The following TNR variants were observed in gnomAD, a reference collection of about 807,000 sequenced individuals.
TNR encodes the protein tenascin-R.
Under a neutral mutation model 150.4 loss-of-function variants are expected in TNR, and 45 were observed. The observed-to-expected ratio is 0.30, with a 90% CI of 0.24 to 0.38. TNR has a LOEUF of 0.38. TNR is among the 10% of genes least tolerant of loss of function. TNR has a pLI of 1.00. For missense variants in TNR, 1,544 were observed against 1,759.1 expected, an observed-to-expected ratio of 0.88 and a Z score of 2.19; for synonymous variants, 687 against 678.4, an observed-to-expected ratio of 1.01 and a Z score of -0.20.
chr1:175,536,211 C>T (rs905384569), intron 1 of TNR, among the ~76,000 whole-genome samples: 2 of 152,038 alleles, frequency 1.3e-5, no homozygotes, highest in African/African-American at 4.8e-5. Context: ...TACATTTATA[C>T]CATTATTTTG....
Position 175,354,422 on chromosome 1 carries a change from C to T in TNR, c.3351G>A (p.Trp1117Ter). Residue 1117 changes from tryptophan to a stop codon, truncating the protein, a stop_gained, in exon 18 of 23, where the codon TGG becomes TGA. Coordinates refer to ENST00000367674, the MANE Select transcript of TNR (RefSeq NM_003285.3). LOFTEE classifies it high-confidence loss of function. ...TGAAAGCGGTGGAGGTGATGCTGCT[C>T]CACGTGGTGTCCTGTGCTGCCTGCA... ...VLLQAAQDTT[W>*]SSITSTAFTT... 6.2e-7 allele frequency: 1 copy of T among 1,614,102 alleles called. No homozygotes were observed. Among genetic ancestry groups the T allele is most frequent in the Non-Finnish European group, 8.5e-7 (1 of 1,179,968 alleles).
At position 175,317,217 on chromosome 1, in the gene TNR, T is replaced by C. The variant is rs763689713; in HGVS notation, c.*6140A>G. On this transcript the variant is annotated 3_prime_UTR_variant, in exon 23 of 23. Transcript: ENST00000367674. ...ATGCAATAAATGCTATTTATCTTAG[T>C]GTTCATTTGTGGAGAATCAAATTAA... 1 of 152,258 alleles carries C rather than the reference T, an allele frequency of 6.6e-6. No homozygotes were observed. The highest frequency in any genetic ancestry group is 1.5e-5 in the Non-Finnish European group (1 of 68,038). 9.4% of individuals were successfully genotyped at this position (152,258 alleles called of 1,614,324 possible).
intron 1 of TNR, among the ~76,000 whole-genome samples, chr1:175,692,007 CTTAA>C (rs1475695767): frequency 6.6e-6 from 1 of 152,264 alleles, no homozygotes; most frequent in African/African-American, 2.4e-5. Flanking sequence ...AATTTTCATT[CTTAA>C]TTAAGTTCAA....
chr1:175,706,411 C>T (rs1170362467), intron 1 of TNR, among the ~76,000 whole-genome samples: 2 of 152,068 alleles, frequency 1.3e-5, no homozygotes, highest in African/African-American at 4.8e-5. Context: ...TTGAGAAGGA[C>T]ATTAACAAGC....
intron 1 of TNR, among the ~76,000 whole-genome samples, chr1:175,739,928 A>C (rs1667878159): frequency 6.6e-6 from 1 of 152,234 alleles, no homozygotes; most frequent in Non-Finnish European, 1.5e-5. Flanking sequence ...TAAAAATTTC[A>C]AAATCATCTC....
At position 175,406,252 on chromosome 1, in the gene TNR, A is replaced by T. The variant is rs150331590; in HGVS notation, c.463T>A (p.Cys155Ser). The T allele has an allele frequency of 4.7e-5, 76 of 1,614,000 alleles. No individual in the cohort carries two copies. Among genetic ancestry groups the T allele is most frequent in the Non-Finnish European group, 5.9e-5 (70 of 1,180,006 alleles). ...EREVSVLRDQ[C>S]NANCCQESAA... is the part of the protein sequence containing the mutation. ...CTTTCTTGGCAGCAGTTGGCGTTGCACTGGTCTCGCAGCACCGACACCTCC... is the reference window on the plus strand; with the variant it reads ...CTTTCTTGGCAGCAGTTGGCGTTGCTCTGGTCTCGCAGCACCGACACCTCC... The change falls in exon 3 of 23, where the codon TGC (cysteine) becomes AGC (serine). Residue 155 changes from cysteine (C) to serine (S), a missense_variant. Physicochemically the swap from Cys to Ser is moderately radical, Grantham distance 112. Coordinates refer to ENST00000367674, the MANE Select transcript of TNR (RefSeq NM_003285.3).
intron 18 of TNR, among the ~76,000 whole-genome samples, chr1:175,348,329 C>G (rs1307807832): frequency 6.6e-6 from 1 of 152,102 alleles, no homozygotes; most frequent in Non-Finnish European, 1.5e-5. Context: ...TGTCAGTTCT[C>G]CCCAAATTAA....
chr1:175,433,612 A>C (rs1655369262), intron 2 of TNR, among the ~76,000 whole-genome samples: 1 of 152,208 alleles, frequency 6.6e-6, no homozygotes, highest in Admixed American at 6.5e-5. Flanking sequence ...GACCTTGGGC[A>C]AGGCAACAAT....
chr1:175,729,253 A>C (rs947541915), intron 1 of TNR, among the ~76,000 whole-genome samples: 25 of 152,138 alleles, frequency 1.6e-4, no homozygotes, highest in African/African-American at 6.0e-4. Flanking sequence ...CACGCAAATC[A>C]ATAGGGAAGC....
At chr1:175,648,365 G>A (rs1664864537) in intron 1 of TNR, among the ~76,000 whole-genome samples, 1 of 152,108 alleles carries the variant, frequency 6.6e-6, no homozygotes, top group Non-Finnish European at 1.5e-5. Context: ...ATACCAGCTA[G>A]GTAGAAAGTA....
chr1:175,332,854 A>C (rs529543492), intron 20 of TNR, among the ~76,000 whole-genome samples: 296 of 152,348 alleles, frequency 1.9e-3, no homozygotes, highest in African/African-American at 6.8e-3. Flanking sequence ...ATGTTAGAAC[A>C]GTGTTACCCA....
chr1:175,486,163 T>C (rs1352272523), intron 2 of TNR, among the ~76,000 whole-genome samples: 2 of 151,932 alleles, frequency 1.3e-5, no homozygotes, highest in African/African-American at 4.8e-5. Flanking sequence ...CTGGGATACA[T>C]GTGCAGAATG....
chr1:175,494,589 C>T (rs546370699), intron 2 of TNR, among the ~76,000 whole-genome samples: 13 of 152,216 alleles, frequency 8.5e-5, no homozygotes, highest in Non-Finnish European at 1.6e-4. Context: ...GTAGAACAAG[C>T]AGGTATCTGA....
At chr1:175,659,447 C>T (rs1394001341) in intron 1 of TNR, among the ~76,000 whole-genome samples, 1 of 152,226 alleles carries the variant, frequency 6.6e-6, no homozygotes, top group African/African-American at 2.4e-5. Flanking sequence ...CCAGATGAAG[C>T]AGCCCAGGTG....
intron 21 of TNR, among the ~76,000 whole-genome samples, chr1:175,325,232 T>C (rs1013351102): frequency 6.6e-6 from 1 of 152,068 alleles, no homozygotes; most frequent in African/African-American, 2.4e-5. Flanking sequence ...TAGGTGGAGA[T>C]GAAGACATTT....
At chr1:175,390,227 A>G (rs1319745367) in intron 7 of TNR, among the ~76,000 whole-genome samples, 1 of 152,184 alleles carries the variant, frequency 6.6e-6, no homozygotes, top group African/African-American at 2.4e-5. Context: ...CTAATCTATA[A>G]ATGTGGTCTC....
intron 1 of TNR, among the ~76,000 whole-genome samples, chr1:175,589,859 C>T (rs912654064): frequency 4.0e-5 from 6 of 151,254 alleles, no homozygotes; most frequent in African/African-American, 1.5e-4. Context: ...GGGTTGGGGG[C>T]TAGGGGAGGG....
In TNR at chr1:175,355,559, T is replaced by C. The variant is rs759027372; in HGVS notation, c.3193A>G (p.Arg1065Gly). The change falls in exon 17 of 23, where the codon AGG (arginine) becomes GGG (glycine). Residue 1065 changes from arginine (R) to glycine (G), a missense_variant. Physicochemically the swap from Arg to Gly is moderately radical, Grantham distance 125 (BLOSUM62 -2). Transcript: ENST00000367674. ...QSALISWQPP[R>G]AEIENYVLTY... ...AAGACATAATTTTCAATCTCTGCCCTGGGAGGCTGCCAGGAGATCAGGGCA... is the reference window on the plus strand; with the variant it reads ...AAGACATAATTTTCAATCTCTGCCCCGGGAGGCTGCCAGGAGATCAGGGCA... 6.8e-6 allele frequency: 11 copies of C among 1,614,116 alleles called. No homozygotes were observed. In the Admixed American group the frequency reaches 1.5e-4, roughly 22 times the overall value.
chr1:175,388,067 G>A (rs960062612), intron 7 of TNR, among the ~76,000 whole-genome samples: 1 of 152,158 alleles, frequency 6.6e-6, no homozygotes, highest in African/African-American at 2.4e-5. Flanking sequence ...GGTGGTTTTA[G>A]ATAACTTAGG....
Sources: gnomAD v4.1 joint callset for allele counts (sites outside exome capture counted in the v4.1 genomes callset) on GRCh38, gnomAD v4.1.1 for gene constraint, MANE v1.5 for transcripts, NCBI Gene and HGNC (gene_info 2026-07-23, HGNC 2026-07-21) for gene names.